ACBD6: variants seen among roughly 807,000 people sequenced by gnomAD.
The protein encoded by ACBD6 is acyl-CoA-binding domain-containing protein 6.
ACBD6 carries 28 observed loss-of-function variants against 37.2 expected under a neutral mutation model. That is an observed-to-expected ratio of 0.75 (90% CI 0.56 to 1.03). ACBD6 has a LOEUF of 1.03. Ranked by LOEUF, ACBD6 falls within the 50% of genes least tolerant of loss-of-function variation. The probability of loss-of-function intolerance (pLI) is 0.00; values close to 1 mark genes in which losing one functional copy is unlikely to be tolerated. For missense variants in ACBD6, 340 were observed against 337.4 expected (o/e 1.01, Z -0.06); for synonymous variants, 113 against 126.8 (o/e 0.89, Z 0.73).
intron 6 of ACBD6, among the ~76,000 whole-genome samples, chr1:180,360,021 G>A (rs1003632031): frequency 2.0e-5 from 3 of 151,996 alleles, no homozygotes; most frequent in Non-Finnish European, 4.4e-5. Context: ...TGAATAACAA[G>A]GTACTTTGGG....
At position 180,488,017 on chromosome 1, in the gene ACBD6, G is replaced by A. The variant is rs74132910; in HGVS notation, c.384+4252C>T. ...GCATAAGAAAAGGTTCTTTTTCTTAGGAAAAAAATCCTGAACCAGTGATAA... is the reference window on the plus strand; with the variant it reads ...GCATAAGAAAAGGTTCTTTTTCTTAAGAAAAAAATCCTGAACCAGTGATAA... On this transcript the variant is annotated intron_variant, in intron 3 of 7. Transcript: ENST00000367595. 6.7e-3 allele frequency among the ~76,000 whole-genome samples: 1,014 copies of A among 152,100 alleles called. 17 individuals are homozygous for A. The highest frequency in any genetic ancestry group is 0.023 in the African/African-American group (967 of 41,496).
At chr1:180,333,162 CAT>C (rs1424405328) in intron 6 of ACBD6, among the ~76,000 whole-genome samples, 1 of 151,846 alleles carries the variant, frequency 6.6e-6, no homozygotes, top group Admixed American at 6.6e-5. Context: ...AACATAAAAA[CAT>C]GTTACATGTT....
chr1:180,435,581 G>A (rs185905725), intron 3 of ACBD6: 7 of 1,050,340 alleles, frequency 6.7e-6, no homozygotes, highest in Admixed American at 5.4e-5. Context: ...AAAGTCCCGA[G>A]TAACCCAGAG....
chr1:180,486,970 T>C (rs1230412296), intron 3 of ACBD6, among the ~76,000 whole-genome samples: 1 of 151,996 alleles, frequency 6.6e-6, no homozygotes, highest in African/African-American at 2.4e-5. Flanking sequence ...TAAGGGACAT[T>C]CTACAAAACA....
intron 6 of ACBD6, among the ~76,000 whole-genome samples, chr1:180,344,238 C>G (rs114517401): frequency 0.034 from 5,234 of 152,268 alleles, 104 homozygotes; most frequent in South Asian, 0.059. Flanking sequence ...CAGTAGCAGG[C>G]AGCAGAAATT....
At chr1:180,357,414 G>A (rs1652672125) in intron 6 of ACBD6, among the ~76,000 whole-genome samples, 1 of 152,128 alleles carries the variant, frequency 6.6e-6, no homozygotes, top group African/African-American at 2.4e-5. Flanking sequence ...CCCATTTTTA[G>A]AGCACAAGCA....
chr1:180,337,236 T>C (rs537902464), intron 6 of ACBD6, among the ~76,000 whole-genome samples: 3,482 of 151,972 alleles, frequency 0.023, 137 homozygotes, highest in African/African-American at 0.079. Context: ...CTGATGAACA[T>C]CGATGCAAAA....
intron 5 of ACBD6, among the ~76,000 whole-genome samples, chr1:180,406,664 TTTATTA>T (rs1285682180): frequency 6.6e-6 from 1 of 152,192 alleles, no homozygotes; most frequent in Non-Finnish European, 1.5e-5. Context: ...TGTAGCTTAC[TTTATTA>T]TTATAATTAA....
rs756081757 is a variant in ACBD6, at chr1:180,271,889, C to T, written c.*1336G>A. 8.1e-6 allele frequency: 13 copies of T among 1,613,568 alleles called. No homozygotes were observed. The highest frequency in any genetic ancestry group is 2.7e-5 in the African/African-American group (2 of 74,820). On this transcript the variant is annotated 3_prime_UTR_variant, in exon 14 of 14. Transcript: ENST00000642319. ...GAAACGCCTGAAGAAGGATGCAGGGCGGCACCGCTGGGGGCAGTTCTATAA... is the reference window on the plus strand; with the variant it reads ...GAAACGCCTGAAGAAGGATGCAGGGTGGCACCGCTGGGGGCAGTTCTATAA...
intron 3 of ACBD6, among the ~76,000 whole-genome samples, chr1:180,450,616 C>T (rs989820880): frequency 8.5e-5 from 13 of 152,178 alleles, no homozygotes; most frequent in African/African-American, 3.1e-4. Flanking sequence ...AAAAATTAGC[C>T]AGGCGTGGTG....
At position 180,502,154 on chromosome 1, in the gene ACBD6, TC is replaced by T; in HGVS notation, c.112del (p.Glu38ArgfsTer19). On this transcript the variant is annotated frameshift_variant, in exon 1 of 8. Coordinates refer to ENST00000367595, the MANE Select transcript of ACBD6 (RefSeq NM_032360.4). LOFTEE classifies it high-confidence loss of function. ...VEFPHSPEIE[E>X]TSCLAELFEK... ...AAACAGCTCGGCCAGGCAACTGGTC[TC>T]CTCGATCTCAGGGCTATGGGGGAAC... 3 of 1,614,112 alleles carry T rather than the reference TC, an allele frequency of 1.9e-6. No homozygotes were observed. The highest frequency in any genetic ancestry group is 2.5e-6 in the Non-Finnish European group (3 of 1,179,998).
intron 3 of ACBD6, chr1:180,435,052 A>AACC: frequency 1.1e-6 from 1 of 877,386 alleles, no homozygotes; most frequent in Non-Finnish European, 2.0e-6. Context: ...ATTACCGTGG[A>AACC]AGGTCAGCTT....
chr1:180,287,578 CTTTTTTTT>C (rs72179174), downstream of ACBD6, among the ~76,000 whole-genome samples: 16 of 71,596 alleles, frequency 2.2e-4, no homozygotes, highest in Non-Finnish European at 5.5e-5. Flanking sequence ...CAGATCTAAG[CTTTTTTTT>C]TTTTTTTTTT....
At chr1:180,444,410 A>G (rs188684967) in intron 3 of ACBD6, among the ~76,000 whole-genome samples, 2 of 152,312 alleles carry the variant, frequency 1.3e-5, no homozygotes, top group Admixed American at 1.3e-4. Flanking sequence ...TTTCTAATGC[A>G]ACTGCACAAA....
chr1:180,322,117 A>T (rs1452886135), intron 6 of ACBD6, among the ~76,000 whole-genome samples: 1 of 152,126 alleles, frequency 6.6e-6, no homozygotes, highest in Non-Finnish European at 1.5e-5. Context: ...AATTGAAATG[A>T]TCATATGGTC....
intron 6 of ACBD6, among the ~76,000 whole-genome samples, chr1:180,366,465 G>T (rs1335897319): frequency 6.6e-6 from 1 of 152,176 alleles, no homozygotes; most frequent in Non-Finnish European, 1.5e-5. Context: ...AAGAGAGAAT[G>T]TAGCCAGGGG....
Position 180,302,078 on chromosome 1 carries a change from C to G in ACBD6, c.694+12614G>C, listed in dbSNP as rs537788858. ...GGAGGGATAGCATTAGGAGATAAAC[C>G]TAATGTAAATGATGAGTTAATGGCT... On this transcript the variant is annotated intron_variant, in intron 7 of 7. Transcript: ENST00000367595. Among the ~76,000 whole-genome samples, 5 of 151,488 alleles carry G rather than the reference C, an allele frequency of 3.3e-5. No homozygotes were observed. In the East Asian group the frequency reaches 9.7e-4, roughly 29 times the overall value.
intron 7 of ACBD6, among the ~76,000 whole-genome samples, chr1:180,291,967 T>G (rs1173425858): frequency 1.3e-5 from 2 of 152,204 alleles, no homozygotes; most frequent in Non-Finnish European, 2.9e-5. Flanking sequence ...TGTTGGCATT[T>G]TTGTCAAAAA....
chr1:180,410,008 T>C (rs537784119), intron 5 of ACBD6, among the ~76,000 whole-genome samples: 4 of 152,304 alleles, frequency 2.6e-5, no homozygotes, highest in Admixed American at 1.3e-4. Flanking sequence ...AGCATACAAA[T>C]GATAGAAAAG....
Sources: allele counts gnomAD v4.1 joint callset (sites outside exome capture counted in the v4.1 genomes callset), GRCh38; gene constraint gnomAD v4.1.1; transcripts MANE v1.5; gene names NCBI Gene and HGNC (gene_info 2026-07-23, HGNC 2026-07-21).